TRPC6: variants seen among roughly 807,000 people sequenced by gnomAD.
TRPC6 encodes the protein transient receptor potential cation channel subfamily C member 6.
TRPC6 carries 55 observed loss-of-function variants against 90.7 expected under a neutral mutation model. That is an observed-to-expected ratio of 0.61 (90% CI 0.49 to 0.76). The LOEUF (loss-of-function observed/expected upper bound fraction) is 0.76, where lower values mean the gene tolerates loss of function less well. Among genes scored for constraint, TRPC6 ranks in the 30% least tolerant of loss-of-function variants. The pLI is 0.00. For missense variants in TRPC6, 989 were observed against 1,122.7 expected (o/e 0.88, Z 1.70); for synonymous variants, 393 against 393.0 (o/e 1.00, Z 0.00).
intron 1 of TRPC6, among the ~76,000 whole-genome samples, chr11:101,569,833 C>G (rs1861918075): frequency 6.6e-6 from 1 of 152,058 alleles, no homozygotes; most frequent in Admixed American, 6.6e-5. Flanking sequence ...AGAACAAAGA[C>G]ACAATGTACC....
At chr11:101,505,933 A>T (rs932603192) in intron 1 of TRPC6, among the ~76,000 whole-genome samples, 1 of 150,770 alleles carries the variant, frequency 6.6e-6, no homozygotes, top group Non-Finnish European at 1.5e-5. Flanking sequence ...TATCAATTGA[A>T]CCCAGGAGAT....
At position 101,467,775 on chromosome 11, in the gene TRPC6, A is replaced by AT. The variant is rs958187219; in HGVS notation, c.2484+1651dup. Among the ~76,000 whole-genome samples the AT allele has an allele frequency of 7.2e-5, 11 of 152,034 alleles. 1 individual carries two copies. Among genetic ancestry groups the AT allele is most frequent in the South Asian group, 6.2e-4 (3 of 4,818 alleles). ...TTCACAACAACTATTTAGAAATGTA[A>AT]TTTTTTTTAAATATCTAACTCTCAG... On this transcript the variant is annotated intron_variant, in intron 10 of 12. Coordinates refer to ENST00000344327, the MANE Select transcript of TRPC6 (RefSeq NM_004621.6).
chr11:101,498,451 T>C (rs1175312022), intron 2 of TRPC6, among the ~76,000 whole-genome samples: 1 of 152,172 alleles, frequency 6.6e-6, no homozygotes, highest in African/African-American at 2.4e-5. Flanking sequence ...AGGTCTCGTG[T>C]CACCTCTGCT....
chr11:101,556,005 T>C (rs146436580), intron 1 of TRPC6, among the ~76,000 whole-genome samples: 356 of 152,238 alleles, frequency 2.3e-3, no homozygotes, highest in African/African-American at 8.0e-3. Flanking sequence ...GGGGATTTTT[T>C]AAATGTCTTG....
intron 2 of TRPC6, among the ~76,000 whole-genome samples, chr11:101,502,867 G>T (rs923842715): frequency 2.0e-5 from 3 of 152,134 alleles, no homozygotes; most frequent in Non-Finnish European, 4.4e-5. Context: ...TGATACTGGG[G>T]TGAAACATCA....
chr11:101,511,695 T>A (rs1338750457), intron 1 of TRPC6, among the ~76,000 whole-genome samples: 1 of 152,054 alleles, frequency 6.6e-6, no homozygotes, highest in East Asian at 1.9e-4. Context: ...TTCTTGACTT[T>A]AAAGATGGAA....
chr11:101,549,356 C>A (rs1861401207), intron 1 of TRPC6, among the ~76,000 whole-genome samples: 1 of 150,764 alleles, frequency 6.6e-6, no homozygotes, highest in Non-Finnish European at 1.5e-5. Context: ...TATATCCACA[C>A]CTCATATTAC....
At chr11:101,583,223 G>C (rs924609179) in intron 1 of TRPC6, 111 bp downstream of exon 1, 52 of 1,473,418 alleles carry the variant, frequency 3.5e-5, no homozygotes, top group Admixed American at 6.4e-5. Context: ...CGTCCTAGGA[G>C]GTACACACGC....
chr11:101,540,259 A>G (rs1861138951), intron 1 of TRPC6, among the ~76,000 whole-genome samples: 1 of 152,230 alleles, frequency 6.6e-6, no homozygotes, highest in Non-Finnish European at 1.5e-5. Context: ...GCACAGGCAG[A>G]GCAAGAGCAG....
chr11:101,531,035 G>A (rs896022749), intron 1 of TRPC6, among the ~76,000 whole-genome samples: 2 of 152,150 alleles, frequency 1.3e-5, no homozygotes, highest in African/African-American at 4.8e-5. Flanking sequence ...AAATAATACT[G>A]TATTGTTGAC....
intron 1 of TRPC6, among the ~76,000 whole-genome samples, chr11:101,522,420 C>A (rs1168673928): frequency 1.3e-5 from 2 of 152,168 alleles, no homozygotes; most frequent in African/African-American, 4.8e-5. Flanking sequence ...TCCTGTACAG[C>A]CTGCAGAACT....
At chr11:101,453,817 G>A in intron 11 of TRPC6, 92 bp from the exon 12 acceptor site, 2 of 1,227,382 alleles carry the variant, frequency 1.6e-6, no homozygotes, top group Non-Finnish European at 2.4e-6. Context: ...CCTCCCTGTA[G>A]TGAGCCCTTT....
intron 1 of TRPC6, among the ~76,000 whole-genome samples, chr11:101,583,010 C>T (rs1218747205): frequency 6.6e-6 from 1 of 152,172 alleles, no homozygotes; most frequent in Non-Finnish European, 1.5e-5. Flanking sequence ...TCTTGTAGAG[C>T]GCAGGATGAA....
At chr11:101,574,265 T>C (rs1862027464) in intron 1 of TRPC6, among the ~76,000 whole-genome samples, 1 of 151,062 alleles carries the variant, frequency 6.6e-6, no homozygotes, top group African/African-American at 2.5e-5. Flanking sequence ...AACTTAGGAA[T>C]ACCATAACAA....
intron 2 of TRPC6, among the ~76,000 whole-genome samples, chr11:101,495,021 T>C (rs368079354): frequency 6.6e-6 from 1 of 152,326 alleles, no homozygotes; most frequent in East Asian, 1.9e-4. Context: ...AGAATGCAGC[T>C]CTATGATTTT....
At chr11:101,453,819 G>A in intron 11 of TRPC6, 94 bp from the exon 12 acceptor site, 1 of 1,182,444 alleles carries the variant, frequency 8.5e-7, no homozygotes, top group Non-Finnish European at 1.2e-6. Flanking sequence ...TCCCTGTAGT[G>A]AGCCCTTTGG....
At chr11:101,559,706 C>T (rs1430098901) in intron 1 of TRPC6, among the ~76,000 whole-genome samples, 1 of 151,146 alleles carries the variant, frequency 6.6e-6, no homozygotes, top group Non-Finnish European at 1.5e-5. Context: ...CATATGTATA[C>T]GTGTGCCATG....
At chr11:101,557,513 A>G (rs1010708889) in intron 1 of TRPC6, among the ~76,000 whole-genome samples, 21 of 152,296 alleles carry the variant, frequency 1.4e-4, no homozygotes, top group African/African-American at 4.8e-4. Flanking sequence ...TACCAGAGCA[A>G]TTAGGCAAGA....
chr11:101,527,042 T>C (rs1245863408), intron 1 of TRPC6, among the ~76,000 whole-genome samples: 4 of 152,076 alleles, frequency 2.6e-5, no homozygotes, highest in Non-Finnish European at 5.9e-5. Context: ...AAATATTATA[T>C]AGCTGCAAGG....
Sources: allele counts gnomAD v4.1 joint callset (sites outside exome capture counted in the v4.1 genomes callset), GRCh38; gene constraint gnomAD v4.1.1; transcripts MANE v1.5; gene names NCBI Gene and HGNC (gene_info 2026-07-23, HGNC 2026-07-21).